RIMS1: variants seen among roughly 807,000 people sequenced by gnomAD.
RIMS1 encodes the protein regulating synaptic membrane exocytosis protein 1.
In RIMS1, 83 loss-of-function variants were observed where a neutral mutation model predicts 214.1. The observed-to-expected ratio is 0.39, with a 90% CI of 0.32 to 0.47. The LOEUF is 0.47. Ranked by LOEUF, RIMS1 falls within the 20% of genes least tolerant of loss-of-function variation. RIMS1 has a pLI of 0.99. For synonymous variants in RIMS1, 793 were observed against 786.8 expected (o/e 1.01, Z -0.13); for missense variants, 2,050 against 2,161.8 (o/e 0.95, Z 1.03).
At chr6:71,976,042 A>G (rs1278521366) in intron 2 of RIMS1, among the ~76,000 whole-genome samples, 1 of 152,068 alleles carries the variant, frequency 6.6e-6, no homozygotes, top group African/African-American at 2.4e-5. Flanking sequence ...TTTTGGGGAT[A>G]TGGATGTTCT....
chr6:72,313,591 T>C lies in RIMS1; in HGVS notation c.4049T>C (p.Ile1350Thr), dbSNP rs2095617894. Residue 1350 changes from isoleucine to threonine, a missense_variant, in exon 28 of 34, where the codon ATT (isoleucine) becomes ACT (threonine). Ile to Thr is a moderately conservative substitution (Grantham distance 89). Transcript: ENST00000521978. ...SDSDVSDVSA[I>T]SRTSSASRLS... ...AGTGATGTCAGTGATGTTTCCGCCA[T>C]TTCCCGAACCAGCAGTGCCTCACGC... is the stretch of plus-strand genomic sequence containing the variant. The C allele has an allele frequency of 2.5e-6, 4 of 1,613,714 alleles. No homozygotes were observed. Among genetic ancestry groups the C allele is most frequent in the East Asian group, 2.2e-5 (1 of 44,874 alleles).
At chr6:72,143,224 C>T (rs573312592) in intron 4 of RIMS1, among the ~76,000 whole-genome samples, 9 of 152,048 alleles carry the variant, frequency 5.9e-5, no homozygotes, top group African/African-American at 2.2e-4. Flanking sequence ...TATATTATTT[C>T]TTTTTAAATA....
At chr6:71,972,280 G>A (rs1421311610) in intron 2 of RIMS1, among the ~76,000 whole-genome samples, 2 of 152,148 alleles carry the variant, frequency 1.3e-5, no homozygotes, top group Non-Finnish European at 2.9e-5. Flanking sequence ...ATTTACCATA[G>A]CATTTTCAAT....
At chr6:72,379,119 A>T (rs918802829) in intron 29 of RIMS1, among the ~76,000 whole-genome samples, 10 of 152,328 alleles carry the variant, frequency 6.6e-5, no homozygotes, top group African/African-American at 2.4e-4. Flanking sequence ...TTATTTCAAA[A>T]ATCCACACTG....
At chr6:72,326,505 T>C (rs1169787299) in intron 28 of RIMS1, among the ~76,000 whole-genome samples, 1 of 151,874 alleles carries the variant, frequency 6.6e-6, no homozygotes, top group Non-Finnish European at 1.5e-5. Context: ...TAAAAATTCT[T>C]GTTTAAATTG....
rs375683761 is a variant in RIMS1 at position 72,258,137 on chromosome 6, C to G, written c.2783C>G (p.Ser928Cys). 1 of 1,612,512 alleles carries G rather than the reference C, an allele frequency of 6.2e-7. No individual in the cohort carries two copies. Among genetic ancestry groups the G allele is most frequent in the Non-Finnish European group, 8.5e-7 (1 of 1,179,150 alleles). ...GTACTTTTGCCAGTAGGCTATAGGTCTAGTGCTAGAGAAAGTAAATCTACA... is the reference window on the plus strand; with the variant it reads ...GTACTTTTGCCAGTAGGCTATAGGTGTAGTGCTAGAGAAAGTAAATCTACA... ...IGVVPPVGYR[S>C]SARESKSTTL... The change falls in exon 17 of 34, where the codon TCT becomes TGT. Residue 928 changes from serine to cysteine, a missense_variant. By Grantham distance (112) the Ser-to-Cys change is moderately radical. This residue lies in a region of RIMS1 where 889 missense variants were observed against 885.5 expected (regional missense o/e 1.00). Coordinates refer to ENST00000521978, the MANE Select transcript of RIMS1 (RefSeq NM_014989.7).
At chr6:71,900,614 A>G (rs1345248003) in intron 1 of RIMS1, among the ~76,000 whole-genome samples, 1 of 152,078 alleles carries the variant, frequency 6.6e-6, no homozygotes, top group Admixed American at 6.6e-5. Flanking sequence ...TTGGGAAGCA[A>G]AAACCACAAC....
intron 6 of RIMS1, among the ~76,000 whole-genome samples, chr6:72,228,083 A>G (rs2060796364): frequency 6.6e-6 from 1 of 152,016 alleles, no homozygotes; most frequent in African/African-American, 2.4e-5. Flanking sequence ...AACTAGCACC[A>G]CATTCTGTGC....
At chr6:71,887,958 G>T (rs965743066) in intron 1 of RIMS1, among the ~76,000 whole-genome samples, 2 of 152,180 alleles carry the variant, frequency 1.3e-5, no homozygotes, top group African/African-American at 4.8e-5. Flanking sequence ...GACCTCTGGG[G>T]CCTGTTCAGT....
At chr6:72,211,650 A>G (rs1409129258) in intron 6 of RIMS1, among the ~76,000 whole-genome samples, 1 of 152,138 alleles carries the variant, frequency 6.6e-6, no homozygotes, top group African/African-American at 2.4e-5. Context: ...ACTTCAAAGG[A>G]TACTTGTAGG....
At chr6:71,891,041 A>G (rs997519928) in intron 1 of RIMS1, among the ~76,000 whole-genome samples, 3 of 152,234 alleles carry the variant, frequency 2.0e-5, no homozygotes, top group Non-Finnish European at 4.4e-5. Flanking sequence ...CTTTAAATGA[A>G]TTTATAGTCT....
chr6:72,210,142 C>T (rs375811959), intron 6 of RIMS1, among the ~76,000 whole-genome samples: 1 of 152,126 alleles, frequency 6.6e-6, no homozygotes, highest in African/African-American at 2.4e-5. Flanking sequence ...TCCTAAACAT[C>T]AACTCTTAAT....
intron 6 of RIMS1, chr6:72,213,356 A>T (rs1249529831): frequency 1.3e-6 from 1 of 786,608 alleles, no homozygotes; most frequent in Non-Finnish European, 1.9e-6. Context: ...CAGTGTTCTT[A>T]ATTGAATAAA....
intron 1 of RIMS1, among the ~76,000 whole-genome samples, chr6:71,894,579 C>A (rs946102592): frequency 3.9e-5 from 6 of 152,204 alleles, no homozygotes; most frequent in African/African-American, 1.4e-4. Flanking sequence ...TCATACAGGA[C>A]TGTCTTTATG....
At position 72,275,120 on chromosome 6, in the gene RIMS1, GTATATATATATATA is replaced by G. The variant is rs10526446; in HGVS notation, c.3482+736_3482+749del. 1.5e-3 allele frequency among the ~76,000 whole-genome samples: 120 copies of G among 81,468 alleles called. 3 individuals carry two copies. The highest frequency in any genetic ancestry group is 2.4e-3 in the South Asian group (4 of 1,700). 53.4% of individuals were successfully genotyped at this position (81,468 alleles called of 152,430 possible). ...GTTGACCCAGTTTTCCTATTTTATG[GTATATATATATATA>G]TATATATATATATATATATATATAT... On this transcript the variant is annotated intron_variant, in intron 23 of 33. Coordinates refer to ENST00000521978, the MANE Select transcript of RIMS1 (RefSeq NM_014989.7).
intron 4 of RIMS1, among the ~76,000 whole-genome samples, chr6:72,106,710 A>G (rs893595304): frequency 2.6e-5 from 4 of 152,158 alleles, no homozygotes; most frequent in African/African-American, 9.7e-5. Flanking sequence ...TACTTTTTAC[A>G]ATTACTTTGT....
At chr6:71,947,034 A>G (rs566854213) in intron 1 of RIMS1, among the ~76,000 whole-genome samples, 20 of 152,304 alleles carry the variant, frequency 1.3e-4, no homozygotes, top group Non-Finnish European at 2.5e-4. Context: ...GGATATGTGA[A>G]AAAGTGCTCA....
chr6:71,962,223 TG>T (rs1028198448), intron 1 of RIMS1, among the ~76,000 whole-genome samples: 13 of 152,152 alleles, frequency 8.5e-5, no homozygotes, highest in Admixed American at 3.3e-4. Context: ...TTTGAAAAAA[TG>T]GATTTCCAAA....
intron 1 of RIMS1, among the ~76,000 whole-genome samples, chr6:71,889,580 G>A (rs142742869): frequency 2.8e-4 from 42 of 152,286 alleles, no homozygotes; most frequent in African/African-American, 9.9e-4. Context: ...ATTGGTGAGT[G>A]TTTTGGAATC....
Sources: gnomAD v4.1 joint callset for allele counts (sites outside exome capture counted in the v4.1 genomes callset) on GRCh38, gnomAD v4.1.1 for gene constraint, gnomAD v4.1.1 regional missense constraint, MANE v1.5 for transcripts, NCBI Gene and HGNC (gene_info 2026-07-23, HGNC 2026-07-21) for gene names.